The following PPARGC1A variants were observed in gnomAD, a reference collection of about 807,000 sequenced individuals.
PPARGC1A encodes the protein PPARG coactivator 1 alpha, also known as peroxisome proliferator-activated receptor gamma coactivator 1-alpha.
In PPARGC1A, 25 loss-of-function variants were observed where a neutral mutation model predicts 88.7. The observed-to-expected ratio is 0.28, with a 90% CI of 0.21 to 0.39. The LOEUF is 0.39. Among genes scored for constraint, PPARGC1A ranks in the 10% least tolerant of loss-of-function variants. The probability of loss-of-function intolerance (pLI) is 1.00; values close to 1 mark genes in which losing one functional copy is unlikely to be tolerated. For missense variants in PPARGC1A, 880 were observed against 968.7 expected (o/e 0.91, Z 1.22); for synonymous variants, 363 against 355.6 (o/e 1.02, Z -0.24).
At chr4:24,079,292 C>T in the PPARGC1A span, among the ~76,000 whole-genome samples, 2 of 152,062 alleles carry the variant, frequency 1.3e-5, no homozygotes, top group Admixed American at 6.6e-5. Flanking sequence ...ATCCCATCAT[C>T]ACCAACAGTA....
intron 12 of PPARGC1A, among the ~76,000 whole-genome samples, chr4:23,799,840 A>T (rs544795427): frequency 6.6e-6 from 1 of 152,126 alleles, no homozygotes. Flanking sequence ...TAAACTCTAG[A>T]TGTTTTGAGA....
intron 10 of PPARGC1A, among the ~76,000 whole-genome samples, chr4:23,807,871 C>T (rs1320736905): frequency 1.3e-5 from 2 of 151,948 alleles, no homozygotes; most frequent in Admixed American, 6.6e-5. Context: ...ATTCATCTTT[C>T]CATAAAACTG....
the PPARGC1A span, among the ~76,000 whole-genome samples, chr4:24,466,968 GAA>G: frequency 2.0e-5 from 2 of 97,806 alleles, no homozygotes; most frequent in African/African-American, 4.0e-5. Context: ...AAGAAAGAAA[GAA>G]AGAGAAAGAA....
the PPARGC1A span, among the ~76,000 whole-genome samples, chr4:24,000,133 T>G: frequency 6.6e-6 from 1 of 152,112 alleles, no homozygotes; most frequent in African/African-American, 2.4e-5. Context: ...TATGTTTAAG[T>G]CTACCTGCAG....
the PPARGC1A span, among the ~76,000 whole-genome samples, chr4:24,325,861 A>G: frequency 6.6e-6 from 1 of 152,304 alleles, no homozygotes; most frequent in Non-Finnish European, 1.5e-5. Flanking sequence ...ATTGACAGCC[A>G]GGCTTCTAAA....
At chr4:24,317,554 CTAAAAAAAAAAAAAAAAAAAAA>C in the PPARGC1A span, among the ~76,000 whole-genome samples, 1 of 14,254 alleles carries the variant, frequency 7.0e-5, no homozygotes, top group Non-Finnish European at 1.9e-4. Context: ...GTTCAGAGGA[CTAAAAAAAAAAAAAAAAAAAAA>C]AAAAAAAAAA....
At chr4:24,102,612 C>T in the PPARGC1A span, among the ~76,000 whole-genome samples, 2 of 152,322 alleles carry the variant, frequency 1.3e-5, no homozygotes, top group East Asian at 1.9e-4. Flanking sequence ...AGAAGGCTTA[C>T]GGAGTGGGTG....
chr4:24,239,628 G>C, the PPARGC1A span, among the ~76,000 whole-genome samples: 1 of 152,200 alleles, frequency 6.6e-6, no homozygotes, highest in East Asian at 1.9e-4. Context: ...ATCTACACAT[G>C]TCAGGGGAAA....
chr4:24,320,905 C>G, the PPARGC1A span, among the ~76,000 whole-genome samples: 1 of 152,210 alleles, frequency 6.6e-6, no homozygotes, highest in Admixed American at 6.5e-5. Flanking sequence ...AGAAAGCCTG[C>G]CCTTACGGTC....
the PPARGC1A span, among the ~76,000 whole-genome samples, chr4:24,231,495 TC>T: frequency 6.6e-6 from 1 of 152,130 alleles, no homozygotes; most frequent in Non-Finnish European, 1.5e-5. Flanking sequence ...GAGTGACTCA[TC>T]CCAAAGGACC....
chr4:24,088,857 T>C, the PPARGC1A span, among the ~76,000 whole-genome samples: 1 of 152,170 alleles, frequency 6.6e-6, no homozygotes, highest in Admixed American at 6.5e-5. Context: ...AAAGTGGGAA[T>C]AGGATAGGCA....
chr4:24,370,372 C>T, the PPARGC1A span, among the ~76,000 whole-genome samples: 3 of 152,000 alleles, frequency 2.0e-5, no homozygotes, highest in Non-Finnish European at 2.9e-5. Flanking sequence ...ATAATAGCGA[C>T]GGTGTATAGA....
the PPARGC1A span, among the ~76,000 whole-genome samples, chr4:24,380,938 G>A: frequency 7.0e-6 from 1 of 143,106 alleles, no homozygotes; most frequent in Admixed American, 7.3e-5. Context: ...GTGAAGGGTA[G>A]AAGAAGAGAT....
At chr4:24,415,369 A>G in the PPARGC1A span, among the ~76,000 whole-genome samples, 33 of 152,200 alleles carry the variant, frequency 2.2e-4, no homozygotes, top group Admixed American at 6.5e-4. Flanking sequence ...TCTATTACCA[A>G]TAGCCACACA....
At chr4:23,997,277 G>A in the PPARGC1A span, among the ~76,000 whole-genome samples, 31 of 152,194 alleles carry the variant, frequency 2.0e-4, 1 homozygote, top group South Asian at 3.3e-3. Context: ...AAAGAAGGAA[G>A]GCAAAACGTC....
chr4:24,130,692 G>T, the PPARGC1A span, among the ~76,000 whole-genome samples: 1 of 152,070 alleles, frequency 6.6e-6, no homozygotes, highest in Non-Finnish European at 1.5e-5. Flanking sequence ...CACATCTCCA[G>T]ACCTGAACGT....
the PPARGC1A span, among the ~76,000 whole-genome samples, chr4:24,324,170 G>T: frequency 6.6e-6 from 1 of 152,134 alleles, no homozygotes; most frequent in East Asian, 1.9e-4. Flanking sequence ...ACCCTTAGCG[G>T]CAAGTCCTGC....
At chr4:24,161,482 C>A in the PPARGC1A span, among the ~76,000 whole-genome samples, 1 of 152,156 alleles carries the variant, frequency 6.6e-6, no homozygotes, top group East Asian at 1.9e-4. Flanking sequence ...GGCCACTTAA[C>A]TCCTTGCAGC....
At chr4:23,913,794 T>G in the PPARGC1A span, among the ~76,000 whole-genome samples, 1 of 152,144 alleles carries the variant, frequency 6.6e-6, no homozygotes, top group Non-Finnish European at 1.5e-5. Context: ...CCCAAACTAT[T>G]TGACATCTGA....
Sources: gnomAD v4.1 joint callset for allele counts (sites outside exome capture counted in the v4.1 genomes callset) on GRCh38, gnomAD v4.1.1 for gene constraint, MANE v1.5 for transcripts, NCBI Gene and HGNC (gene_info 2026-07-23, HGNC 2026-07-21) for gene names.